The following ETS1 variants were observed in gnomAD, a reference collection of about 807,000 sequenced individuals.
ETS1 encodes the protein ETS proto-oncogene 1, transcription factor.
Under a neutral mutation model 58.6 loss-of-function variants are expected in ETS1, and 15 were observed. The ratio of observed to expected loss-of-function variants is 0.26; its 90% CI spans 0.17 to 0.39. The LOEUF (loss-of-function observed/expected upper bound fraction) is 0.39. Ranked by LOEUF, ETS1 falls within the 10% of genes least tolerant of loss-of-function variation. ETS1 has a pLI of 1.00. For synonymous variants in ETS1, 214 were observed against 218.2 expected (o/e 0.98, Z 0.17); for missense variants, 417 against 610.5 (o/e 0.68, Z 3.34).
intron 3 of ETS1, among the ~76,000 whole-genome samples, chr11:128,502,911 T>G (rs1863128086): frequency 6.6e-6 from 1 of 152,184 alleles, no homozygotes; most frequent in Non-Finnish European, 1.5e-5. Context: ...ATTGTGAGTT[T>G]CCACCGACAG....
At chr11:128,553,549 C>T (rs1334366180) in intron 3 of ETS1, among the ~76,000 whole-genome samples, 1 of 152,088 alleles carries the variant, frequency 6.6e-6, no homozygotes, top group Non-Finnish European at 1.5e-5. Context: ...TTCCACCATA[C>T]CCGCTTTATC....
intron 8 of ETS1, among the ~76,000 whole-genome samples, chr11:128,471,755 G>A (rs912400482): frequency 6.6e-6 from 1 of 152,176 alleles, no homozygotes; most frequent in African/African-American, 2.4e-5. Flanking sequence ...ATCTTCCTAA[G>A]TGTGTAGGTA....
chr11:128,497,511 A>G, intron 3 of ETS1: 1 of 781,468 alleles, frequency 1.3e-6, no homozygotes, highest in Non-Finnish European at 1.6e-6. Context: ...CTCCTGCCCC[A>G]TCCCCCAAAA....
At chr11:128,578,172 G>A (rs2135590038) in intron 1 of ETS1, among the ~76,000 whole-genome samples, 1 of 152,258 alleles carries the variant, frequency 6.6e-6, no homozygotes, top group South Asian at 2.1e-4. Flanking sequence ...GCCAGGACCT[G>A]TAGGCTCTCA....
chr11:128,476,289 C>G (rs1443042931), intron 8 of ETS1, among the ~76,000 whole-genome samples: 1 of 152,216 alleles, frequency 6.6e-6, no homozygotes, highest in Non-Finnish European at 1.5e-5. Flanking sequence ...TCTCTTCCCT[C>G]CCACATACCC....
chr11:128,544,730 G>T (rs1383502553), intron 3 of ETS1, among the ~76,000 whole-genome samples: 1 of 152,098 alleles, frequency 6.6e-6, no homozygotes, highest in Non-Finnish European at 1.5e-5. Context: ...ACACGGAACA[G>T]CTGCGAGGAG....
intron 3 of ETS1, among the ~76,000 whole-genome samples, chr11:128,527,588 C>G (rs191873941): frequency 6.6e-6 from 1 of 152,174 alleles, no homozygotes. Context: ...TTAAATTGTC[C>G]TGAATTGGAC....
chr11:128,557,434 T>C (rs886092148), intron 2 of ETS1, among the ~76,000 whole-genome samples: 1 of 152,234 alleles, frequency 6.6e-6, no homozygotes, highest in African/African-American at 2.4e-5. Context: ...AATTAAAATA[T>C]AAAATTGCAT....
At chr11:128,481,311 A>G (rs1408618664) in intron 7 of ETS1, among the ~76,000 whole-genome samples, 1 of 152,210 alleles carries the variant, frequency 6.6e-6, no homozygotes, top group African/African-American at 2.4e-5. Context: ...ACTGACCACA[A>G]GATCATGCAA....
At chr11:128,585,004 A>AAGG (rs1864956171) in intron 1 of ETS1, among the ~76,000 whole-genome samples, 2 of 39,294 alleles carry the variant, frequency 5.1e-5, no homozygotes, top group East Asian at 2.1e-3. Context: ...GGAAGGAAGG[A>AAGG]AAGAAAGGAA....
At chr11:128,465,175 C>A (rs1015608972) in intron 8 of ETS1, among the ~76,000 whole-genome samples, 1 of 152,196 alleles carries the variant, frequency 6.6e-6, no homozygotes, top group Non-Finnish European at 1.5e-5. Flanking sequence ...TCAGCACTTG[C>A]CACGCTAAAT....
chr11:128,525,259 T>C (rs1863779047), intron 3 of ETS1, among the ~76,000 whole-genome samples: 1 of 152,058 alleles, frequency 6.6e-6, no homozygotes, highest in Admixed American at 6.6e-5. Context: ...TAGACAATAA[T>C]ATTAAGAAAA....
chr11:128,532,091 C>T (rs2049304718), intron 3 of ETS1, among the ~76,000 whole-genome samples: 1 of 152,174 alleles, frequency 6.6e-6, no homozygotes, highest in Admixed American at 6.6e-5. Context: ...AACGGTTTAA[C>T]TTGTGCTATA....
In ETS1 at chr11:128,458,836, A is replaced by T. The variant is rs1002940430; in HGVS notation, c.*3525T>A. ...AATATGAAATCAGGCTACAGTATAT[A>T]AAAAACTCTCCAGCAAAATGATGTG... is the stretch of plus-strand genomic sequence containing the variant. On this transcript the variant is annotated 3_prime_UTR_variant, in exon 10 of 10. Transcript: ENST00000392668. This position sits in a 1 kb window ranked among gnomAD's most constrained non-coding sequence, Gnocchi z 4.3. 2 of 152,762 alleles carry T rather than the reference A, an allele frequency of 1.3e-5. No homozygotes were observed. Among genetic ancestry groups the T allele is most frequent in the African/African-American group, 4.8e-5 (2 of 41,446 alleles). The allele number at this position is 152,762 out of a possible 1,614,324, so 9.5% of individuals were successfully genotyped here. A position where few individuals can be genotyped will look rare whatever the true frequency, so the allele number is the denominator to read the frequency against.
At chr11:128,493,004 T>C (rs1232172483) in intron 3 of ETS1, among the ~76,000 whole-genome samples, 1 of 152,142 alleles carries the variant, frequency 6.6e-6, no homozygotes, top group Non-Finnish European at 1.5e-5. Flanking sequence ...TGTGTGGGTT[T>C]TGTTGTGTGT....
chr11:128,523,103 T>G (rs1232840401), intron 3 of ETS1, among the ~76,000 whole-genome samples: 4 of 152,228 alleles, frequency 2.6e-5, no homozygotes, highest in Non-Finnish European at 4.4e-5. Context: ...ATGTCACCAT[T>G]GGCCAAAGCT....
chr11:128,573,204 A>C (rs7935393), intron 1 of ETS1, 60 bp from the exon 2 acceptor site: 540,512 of 1,225,288 alleles, frequency 0.44, 122,788 homozygotes, highest in Non-Finnish European at 0.47. Flanking sequence ...GGATTAGAAT[A>C]CACAAGGAAG....
At chr11:128,541,324 A>T (rs1469538881) in intron 3 of ETS1, among the ~76,000 whole-genome samples, 2 of 152,234 alleles carry the variant, frequency 1.3e-5, no homozygotes, top group Non-Finnish European at 2.9e-5. Flanking sequence ...CTCTAATGTC[A>T]CTGACACCCT....
intron 3 of ETS1, among the ~76,000 whole-genome samples, chr11:128,493,896 C>A (rs1862869543): frequency 6.6e-6 from 1 of 152,158 alleles, no homozygotes; most frequent in Non-Finnish European, 1.5e-5. Flanking sequence ...CAGATTGTAG[C>A]AGTTCTGTTC....
Sources: allele counts gnomAD v4.1 joint callset (sites outside exome capture counted in the v4.1 genomes callset), GRCh38; gene constraint gnomAD v4.1.1; non-coding constraint Gnocchi (gnomAD v3.1); transcripts MANE v1.5; gene names NCBI Gene and HGNC (gene_info 2026-07-23, HGNC 2026-07-21).